RNF19A: variants seen among roughly 807,000 people sequenced by gnomAD.
RNF19A encodes ring finger protein 19A, RBR E3 ubiquitin protein ligase.
In RNF19A, 32 loss-of-function variants were observed where a neutral mutation model predicts 75.7. That is an observed-to-expected ratio of 0.42 (90% CI 0.32 to 0.57). The LOEUF is 0.57. RNF19A is among the 20% of genes least tolerant of loss of function. The pLI is 0.10. For missense variants in RNF19A, 782 were observed against 1,036.3 expected, an observed-to-expected ratio of 0.75 and a Z score of 3.37; for synonymous variants, 335 against 345.2, an observed-to-expected ratio of 0.97 and a Z score of 0.33.
chr8:100,296,063 A>G (rs948426337), intron 1 of RNF19A, among the ~76,000 whole-genome samples: 1 of 152,182 alleles, frequency 6.6e-6, no homozygotes, highest in Non-Finnish European at 1.5e-5. Context: ...TCGGATACCA[A>G]GCAGCAATGC....
chr8:100,260,540 G>C lies in RNF19A; in HGVS notation c.1683-543C>G. Among the ~76,000 whole-genome samples, 1 of 152,076 alleles carries C rather than the reference G, an allele frequency of 6.6e-6. No individual in the cohort carries two copies. The highest frequency in any genetic ancestry group is 1.9e-4 in the East Asian group (1 of 5,202). ...CCAACCTGGCCTCCCAAAGTGCTGG[G>C]ATTATAGGTATGAGCCACTGAGCCC... On this transcript the variant is annotated intron_variant, in intron 8 of 9. Transcript: ENST00000341084. This position sits in a 1 kb window ranked among gnomAD's most constrained non-coding sequence, Gnocchi z 4.1.
upstream of RNF19A, among the ~76,000 whole-genome samples, chr8:100,310,932 A>T (rs561854122): frequency 3.3e-4 from 51 of 152,346 alleles, no homozygotes; most frequent in Admixed American, 2.5e-3. Flanking sequence ...TTAGTTGAAT[A>T]AACAAATTCC....
intron 5 of RNF19A, among the ~76,000 whole-genome samples, chr8:100,267,185 T>G (rs1002223775): frequency 6.6e-6 from 1 of 152,214 alleles, no homozygotes; most frequent in Non-Finnish European, 1.5e-5. Flanking sequence ...GGAACTTATA[T>G]TAAGAATTCA....
chr8:100,271,813 G>A (rs1303981417), intron 3 of RNF19A, among the ~76,000 whole-genome samples: 2 of 152,068 alleles, frequency 1.3e-5, no homozygotes, highest in Admixed American at 1.3e-4. Context: ...ATTATAGGAT[G>A]ATATATTTCT....
rs191639473 is a variant in RNF19A, at chr8:100,287,178, A to T, written c.674+323T>A. Reference sequence around the variant, plus strand: ...CCCCTCATCATAAACAAACCTGATCATTTCATCTGTTATTCCAAAATAAAA... The same window carrying T: ...CCCCTCATCATAAACAAACCTGATCTTTTCATCTGTTATTCCAAAATAAAA... On this transcript the variant is annotated intron_variant, in intron 2 of 9. Transcript: ENST00000341084. The surrounding 1 kb of genome is among the most constrained non-coding windows in gnomAD (Gnocchi z 4.1). Among the ~76,000 whole-genome samples the T allele has an allele frequency of 6.6e-6, 1 of 152,324 alleles. No individual in the cohort carries two copies. The highest frequency in any genetic ancestry group is 1.5e-5 in the Non-Finnish European group (1 of 68,022).
Position 100,259,007 on chromosome 8 carries a change from G to A in RNF19A, c.2066C>T (p.Thr689Met). The change falls in exon 10 of 10, where the codon ACG becomes ATG. Residue 689 changes from threonine (T) to methionine (M), a missense_variant. By Grantham distance (81) the Thr-to-Met change is moderately conservative. Coordinates refer to ENST00000341084, the MANE Select transcript of RNF19A (RefSeq NM_183419.4). This position sits in a 1 kb window ranked among gnomAD's most constrained non-coding sequence, Gnocchi z 4.5. ...CAACTGTGCATCCATGTCCTCTCTC[G>A]TCTCATTTATCTTCATGTTACCCTT... ...RKKGNMKINETREDMDAQLLE... is the reference protein window; with the variant it reads ...RKKGNMKINEMREDMDAQLLE... 2 of 1,614,096 alleles carry A rather than the reference G, an allele frequency of 1.2e-6. No homozygotes were observed. Among genetic ancestry groups the A allele is most frequent in the Non-Finnish European group, 8.5e-7 (1 of 1,180,002 alleles).
At chr8:100,310,108 C>G (rs912958496), upstream of RNF19A, 10 of 985,520 alleles carry the variant, frequency 1.0e-5, no homozygotes, top group African/African-American at 1.7e-5. Flanking sequence ...CCACCTCCCC[C>G]TCCCGCAGCC....
chr8:100,274,930 T>G, intron 3 of RNF19A, 23 bp downstream of exon 3: 1 of 1,545,572 alleles, frequency 6.5e-7, no homozygotes, highest in South Asian at 1.2e-5. Context: ...AATATTTTAT[T>G]AGAAAAAATT....
chr8:100,327,894 C>A (rs1822556297), intron 1 of RNF19A, among the ~76,000 whole-genome samples: 1 of 152,184 alleles, frequency 6.6e-6, no homozygotes, highest in Admixed American at 6.5e-5. Flanking sequence ...TATATCATTT[C>A]TTTATTACTG....
chr8:100,331,586 A>C lies in RNF19A; in HGVS notation c.-243+4522T>G, dbSNP rs1053655654. Among the ~76,000 whole-genome samples the C allele has an allele frequency of 4.3e-4, 65 of 152,206 alleles. No homozygotes were observed. The highest frequency in any genetic ancestry group is 3.1e-4 in the Non-Finnish European group (21 of 68,022). ...CAGGATGTCAAAGCTGCAGTGAGTCATGACTGTGCCACTGCACTCCAGCCT... is the reference window on the plus strand; with the variant it reads ...CAGGATGTCAAAGCTGCAGTGAGTCCTGACTGTGCCACTGCACTCCAGCCT... On this transcript the variant is annotated intron_variant, in intron 1 of 3. Transcript: ENST00000519527. The surrounding 1 kb of genome is among the most constrained non-coding windows in gnomAD (Gnocchi z 5.2).
At chr8:100,306,658 A>G (rs1050469640) in intron 1 of RNF19A, among the ~76,000 whole-genome samples, 1 of 152,198 alleles carries the variant, frequency 6.6e-6, no homozygotes, top group African/African-American at 2.4e-5. Context: ...AGTTTTAAAC[A>G]CCCAAAGTGA....
At chr8:100,290,679 A>C (rs1821251925) in intron 1 of RNF19A, among the ~76,000 whole-genome samples, 1 of 152,182 alleles carries the variant, frequency 6.6e-6, no homozygotes. Context: ...TGCATCACTT[A>C]ATGATCAGGA....
In RNF19A at chr8:100,333,261, C is replaced by T. The variant is rs1284478477; in HGVS notation, c.-243+2847G>A. ...TCAGATGTGCCCACTCAACCTTGGA[C>T]TTCCCAGATCCAGAACAATGAGCCA... On this transcript the variant is annotated intron_variant, in intron 1 of 3. Transcript: ENST00000519527. This position sits in a 1 kb window ranked among gnomAD's most constrained non-coding sequence, Gnocchi z 4.7. Among the ~76,000 whole-genome samples the T allele has an allele frequency of 1.3e-5, 2 of 152,188 alleles. No homozygotes were observed.
In RNF19A at chr8:100,276,876, G is replaced by A. The variant is rs188909784; in HGVS notation, c.675-1715C>T. Among the ~76,000 whole-genome samples, 11 of 151,976 alleles carry A rather than the reference G, an allele frequency of 7.2e-5. No individual in the cohort carries two copies. In the East Asian group the frequency reaches 2.1e-3, roughly 29 times the overall value. ...ATACACTGTGCAGAAATAACTAGAA[G>A]TAAATCAGGAAATTTGAGTGAGATT... On this transcript the variant is annotated intron_variant, in intron 2 of 9. Coordinates refer to ENST00000341084, the MANE Select transcript of RNF19A (RefSeq NM_183419.4).
chr8:100,315,293 A>G (rs1586696006), intron 1 of RNF19A, among the ~76,000 whole-genome samples: 1 of 152,216 alleles, frequency 6.6e-6, no homozygotes, highest in African/African-American at 2.4e-5. Context: ...CTCTAATATA[A>G]GAGCCAATAA....
chr8:100,284,058 A>G lies in RNF19A; in HGVS notation c.674+3443T>C, dbSNP rs923643516. ...CCAGTTCCTGGTACATAGGTGCATT[A>G]AATATTTGAATGATTATCTGATTTA... On this transcript the variant is annotated intron_variant, in intron 2 of 9. Transcript: ENST00000341084. The surrounding 1 kb of genome is among the most constrained non-coding windows in gnomAD (Gnocchi z 4.3). Among the ~76,000 whole-genome samples the G allele has an allele frequency of 1.3e-5, 2 of 152,138 alleles. No homozygotes were observed. The highest frequency in any genetic ancestry group is 2.1e-4 in the South Asian group (1 of 4,834).
intron 1 of RNF19A, among the ~76,000 whole-genome samples, chr8:100,289,797 A>G (rs547049868): frequency 6.6e-6 from 1 of 152,234 alleles, no homozygotes; most frequent in Non-Finnish European, 1.5e-5. Flanking sequence ...AAAGGAATGC[A>G]TAAGAAAAAT....
chr8:100,297,817 A>AT (rs1390232197), intron 1 of RNF19A, among the ~76,000 whole-genome samples: 1 of 152,214 alleles, frequency 6.6e-6, no homozygotes, highest in Non-Finnish European at 1.5e-5. Context: ...GCTGGAAAAT[A>AT]TAATAAGATG....
rs1041383139 is a variant in RNF19A at position 100,323,138 on chromosome 8, G to A, written c.-242-9766C>T. ...AAAAAAAACTGTGAAGTGCAATAAAGCAAAGCACAATAAAATGAGGTAAGC... is the reference window on the plus strand; with the variant it reads ...AAAAAAAACTGTGAAGTGCAATAAAACAAAGCACAATAAAATGAGGTAAGC... On this transcript the variant is annotated intron_variant, in intron 1 of 3. Transcript: ENST00000519527. The surrounding 1 kb of genome is among the most constrained non-coding windows in gnomAD (Gnocchi z 4.6). Among the ~76,000 whole-genome samples, 43 of 152,166 alleles carry A rather than the reference G, an allele frequency of 2.8e-4. No homozygotes were observed. Among genetic ancestry groups the A allele is most frequent in the African/African-American group, 9.9e-4 (41 of 41,536 alleles).
Sources: allele counts gnomAD v4.1 joint callset (sites outside exome capture counted in the v4.1 genomes callset), GRCh38; gene constraint gnomAD v4.1.1; non-coding constraint Gnocchi (gnomAD v3.1); transcripts MANE v1.5; gene names NCBI Gene and HGNC (gene_info 2026-07-23, HGNC 2026-07-21).